CEP162: variants seen among roughly 807,000 people sequenced by gnomAD.
CEP162 encodes centrosomal protein 162.
In CEP162, 141 loss-of-function variants were observed where a neutral mutation model predicts 169.2. The ratio of observed to expected loss-of-function variants is 0.83; its 90% CI spans 0.73 to 0.96. CEP162 has a LOEUF of 0.96. Among genes scored for constraint, CEP162 ranks in the 40% least tolerant of loss-of-function variants. CEP162 has a pLI of 0.00. For synonymous variants in CEP162, 540 were observed against 526.4 expected, an observed-to-expected ratio of 1.03 and a Z score of -0.35; for missense variants, 1,600 against 1,587.2, an observed-to-expected ratio of 1.01 and a Z score of -0.14.
chr6:84,145,285 C>G (rs1204227816), intron 25 of CEP162, among the ~76,000 whole-genome samples: 1 of 152,062 alleles, frequency 6.6e-6, no homozygotes, highest in Non-Finnish European at 1.5e-5. Context: ...CTTTGGCATG[C>G]GTTTCTAGCC....
intron 24 of CEP162, among the ~76,000 whole-genome samples, chr6:84,147,454 A>T (rs1016842272): frequency 1.4e-4 from 22 of 152,128 alleles, no homozygotes; most frequent in Non-Finnish European, 2.1e-4. Flanking sequence ...CAACAATATT[A>T]TGTGTATTTC....
At chr6:84,204,319 T>C (rs753488035) in intron 6 of CEP162, among the ~76,000 whole-genome samples, 7 of 152,240 alleles carry the variant, frequency 4.6e-5, no homozygotes, top group South Asian at 2.1e-4. Flanking sequence ...ATTGACCACA[T>C]AGTTGCAAGT....
chr6:84,155,377 A>T lies in CEP162; in HGVS notation c.2915T>A (p.Leu972Gln). 1 of 1,613,610 alleles carries T rather than the reference A, an allele frequency of 6.2e-7. No homozygotes were observed. The highest frequency in any genetic ancestry group is 8.5e-7 in the Non-Finnish European group (1 of 1,179,688). ...VEFMEKRIKKLEADLEGKDED... is the reference protein window; with the variant it reads ...VEFMEKRIKKQEADLEGKDED... ...ATCTTTGCCCTCCAGATCAGCTTCT[A>T]GCTTTTTTATCCTTTTCTCCATAAA... Residue 972 changes from leucine (L) to glutamine (Q), a missense_variant, in exon 22 of 27, where the codon CTA (leucine) becomes CAA (glutamine). By Grantham distance (113) the Leu-to-Gln change is moderately radical. Transcript: ENST00000403245.
intron 3 of CEP162, among the ~76,000 whole-genome samples, chr6:84,219,616 A>C (rs1411627042): frequency 2.0e-5 from 3 of 152,218 alleles, no homozygotes; most frequent in Admixed American, 6.5e-5. Flanking sequence ...TTCACTACAA[A>C]GTTCAGCATG....
At chr6:84,153,248 A>T (rs1490227162) in intron 22 of CEP162, 69 bp from the exon 23 acceptor site, 1 of 1,403,366 alleles carries the variant, frequency 7.1e-7, no homozygotes, top group Non-Finnish European at 9.6e-7. Context: ...AGCCCTGCAC[A>T]CTACTGGGTC....
At chr6:84,201,473 C>T (rs774360799) in intron 8 of CEP162, among the ~76,000 whole-genome samples, 1 of 151,884 alleles carries the variant, frequency 6.6e-6, no homozygotes, top group Admixed American at 6.6e-5. Context: ...AGGCTAACAT[C>T]AACATACATA....
intron 6 of CEP162, among the ~76,000 whole-genome samples, chr6:84,204,613 A>G (rs1289011058): frequency 6.6e-6 from 1 of 152,268 alleles, no homozygotes; most frequent in Non-Finnish European, 1.5e-5. Flanking sequence ...CTAAATGCCC[A>G]CAAGAAAAAG....
chr6:84,174,168 T>G lies in CEP162; in HGVS notation c.2046A>C (p.Thr682=), dbSNP rs1327293088. ...AATGTAACCACCTTTGTTTTTTGTTTGTTTCTTCAAAGCTGCTTAACTTGG... is the reference window on the plus strand; with the variant it reads ...AATGTAACCACCTTTGTTTTTTGTTGGTTTCTTCAAAGCTGCTTAACTTGG... The part of the protein sequence containing the change: ...LQAKLSSFEE[T]NKKQRWLHFG... Residue 682 remains threonine (T), a synonymous_variant, in exon 16 of 27, where the codon ACA becomes ACC. Transcript: ENST00000403245. 1.9e-6 allele frequency: 3 copies of G among 1,606,418 alleles called. No homozygotes were observed. The South Asian group carries it at 3.3e-5, about 18-fold the overall frequency.
At chr6:84,225,669 T>C (rs916522675) in intron 2 of CEP162, among the ~76,000 whole-genome samples, 2 of 150,648 alleles carry the variant, frequency 1.3e-5, no homozygotes, top group African/African-American at 5.0e-5. Context: ...TACATTCTTA[T>C]AATGGGAAGC....
intron 4 of CEP162, 115 bp from the exon 5 acceptor site, chr6:84,215,580 C>T: frequency 8.9e-7 from 1 of 1,128,398 alleles, no homozygotes; most frequent in Non-Finnish European, 1.2e-6. Context: ...CAAATATTTA[C>T]TCTCACTCAC....
In CEP162 at chr6:84,155,378, G is replaced by A. The variant is rs776267480; in HGVS notation, c.2914C>T (p.Leu972=). ...TCTTTGCCCTCCAGATCAGCTTCTAGCTTTTTTATCCTTTTCTCCATAAAT... is the reference window on the plus strand; with the variant it reads ...TCTTTGCCCTCCAGATCAGCTTCTAACTTTTTTATCCTTTTCTCCATAAAT... ...VEFMEKRIKK[L]EADLEGKDED... Residue 972 remains leucine, a synonymous_variant, in exon 22 of 27, where the codon CTA becomes TTA. Coordinates refer to ENST00000403245, the MANE Select transcript of CEP162 (RefSeq NM_014895.4). The A allele has an allele frequency of 1.8e-5, 29 of 1,613,514 alleles. No individual in the cohort carries two copies. Among genetic ancestry groups the A allele is most frequent in the Non-Finnish European group, 2.5e-5 (29 of 1,179,642 alleles).
chr6:84,202,626 C>T (rs943470821), intron 7 of CEP162, among the ~76,000 whole-genome samples: 1 of 143,428 alleles, frequency 7.0e-6, no homozygotes, highest in Non-Finnish European at 1.5e-5. Flanking sequence ...CCCTGGGGTT[C>T]GAGCAATTCT....
chr6:84,217,845 G>A (rs907329896), intron 3 of CEP162: 14 of 152,302 alleles, frequency 9.2e-5, no homozygotes, highest in Admixed American at 2.6e-4. Context: ...GGAATAACCC[G>A]GAGTTCAGTA....
chr6:84,187,410 T>C (rs1340001298), intron 11 of CEP162, among the ~76,000 whole-genome samples: 2 of 152,198 alleles, frequency 1.3e-5, no homozygotes, highest in Non-Finnish European at 2.9e-5. Context: ...TTTCATATAA[T>C]GTAGATTGGC....
chr6:84,221,726 A>C (rs1264158513), intron 2 of CEP162, among the ~76,000 whole-genome samples: 1 of 152,008 alleles, frequency 6.6e-6, no homozygotes, highest in Non-Finnish European at 1.5e-5. Context: ...ATCACCCCCC[A>C]CCACCTTAGC....
At chr6:84,209,085 G>T (rs73750546) in intron 6 of CEP162, among the ~76,000 whole-genome samples, 2,477 of 152,288 alleles carry the variant, frequency 0.016, 58 homozygotes, top group African/African-American at 0.055. Context: ...GTTAGAAACA[G>T]TTCAGGCAGT....
chr6:84,174,718 A>G lies in CEP162; in HGVS notation c.2025+9T>C, dbSNP rs61675931. On this transcript the variant is annotated intron_variant, in intron 15 of 26. Transcript: ENST00000403245. ...ATATAAAAAAATACCAGAACAATGT[A>G]TCTAGTACCTTGGCTTGAAGAATAT... 9,304 of 1,206,998 alleles carry G rather than the reference A, an allele frequency of 7.7e-3. 565 individuals carry two copies. In the African/African-American group the frequency reaches 0.13, roughly 16 times the overall value. 74.8% of individuals were successfully genotyped at this position (1,206,998 alleles called of 1,614,324 possible).
At position 84,193,651 on chromosome 6, in the gene CEP162, A is replaced by G. The variant is rs372573118; in HGVS notation, c.1067T>C (p.Ile356Thr). ...AAAACCACTGATCCCAAAGGAATCT[A>G]TTCTGATAGGTTTCATCAGCTCCTC... ...TVEELMKPIR[I>T]DSFGISGFDL... The change falls in exon 11 of 27, where the codon ATA (isoleucine) becomes ACA (threonine). Residue 356 changes from isoleucine (I) to threonine (T), a missense_variant. By Grantham distance (89) the Ile-to-Thr change is moderately conservative. Transcript: ENST00000403245. 1 of 1,568,964 alleles carries G rather than the reference A, an allele frequency of 6.4e-7. No homozygotes were observed. The highest frequency in any genetic ancestry group is 8.7e-7 in the Non-Finnish European group (1 of 1,155,558).
At position 84,146,775 on chromosome 6, in the gene CEP162, CT is replaced by C; in HGVS notation, c.3781del (p.Arg1261AspfsTer18). Reference protein sequence around the residue: ...RKIATQEVLIRHFQSQVNELQ... With the variant: ...RKIATQEVLIXHFQSQVNELQ... The stretch of plus-strand genomic sequence containing the variant: ...CTCATTAACTTGACTTTGGAAATGT[CT>C]TATAAGTACCTAGGAAATTGTTAGA... On this transcript the variant is annotated frameshift_variant, in exon 25 of 27. Coordinates refer to ENST00000403245, the MANE Select transcript of CEP162 (RefSeq NM_014895.4). LOFTEE classifies it high-confidence loss of function. 2 of 1,537,730 alleles carry C rather than the reference CT, an allele frequency of 1.3e-6. No individual in the cohort carries two copies.
Sources: allele counts gnomAD v4.1 joint callset (sites outside exome capture counted in the v4.1 genomes callset), GRCh38; gene constraint gnomAD v4.1.1; transcripts MANE v1.5; gene names NCBI Gene and HGNC (gene_info 2026-07-23, HGNC 2026-07-21).